The following SATB2 variants were observed in gnomAD, a reference collection of about 807,000 sequenced individuals.
SATB2 encodes DNA-binding protein SATB2.
A neutral mutation model predicts 73.4 loss-of-function variants in SATB2; 1 was observed. That is an observed-to-expected ratio of 0.01 (90% CI 0.00 to 0.06). The LOEUF (loss-of-function observed/expected upper bound fraction) is 0.06. SATB2 is among the 10% of genes least tolerant of loss of function. SATB2 has a pLI of 1.00. For missense variants in SATB2, 459 were observed against 945.8 expected (o/e 0.49, Z 6.75); for synonymous variants, 397 against 367.0 (o/e 1.08, Z -0.93).
At chr2:199,430,330 A>G (rs1691464841) in intron 3 of SATB2, among the ~76,000 whole-genome samples, 1 of 152,244 alleles carries the variant, frequency 6.6e-6, no homozygotes, top group East Asian at 1.9e-4. Flanking sequence ...CTCACGGCCC[A>G]TCATACATAT....
chr2:199,368,796 CTT>C (rs1487384275), intron 5 of SATB2, 89 bp from the exon 6 acceptor site: 1 of 709,554 alleles, frequency 1.4e-6, no homozygotes, highest in East Asian at 2.7e-5. Flanking sequence ...GCACTAACCT[CTT>C]TTTTCTTTTA....
At position 199,272,785 on chromosome 2, in the gene SATB2, C is replaced by G. The variant is rs972788394; in HGVS notation, c.1741-113G>C. Reference sequence around the variant, plus strand: ...TCTAGCACTGGAGGTAAGCTATAGTCATTTGTAAAGTCAGGTCTTTGGAAA... The same window carrying G: ...TCTAGCACTGGAGGTAAGCTATAGTGATTTGTAAAGTCAGGTCTTTGGAAA... On this transcript the variant is annotated intron_variant, in intron 10 of 10. Coordinates refer to ENST00000417098, the MANE Select transcript of SATB2 (RefSeq NM_001172509.2). The surrounding 1 kb of genome is among the most constrained non-coding windows in gnomAD (Gnocchi z 6.7). 5 of 1,006,258 alleles carry G rather than the reference C, an allele frequency of 5.0e-6. No individual in the cohort carries two copies. In the Admixed American group the frequency reaches 5.8e-5, roughly 12 times the overall value. 62.3% of individuals were successfully genotyped at this position (1,006,258 alleles called of 1,614,324 possible). A position where few individuals can be genotyped will look rare whatever the true frequency, so the allele number is the denominator to read the frequency against.
intron 6 of SATB2, among the ~76,000 whole-genome samples, chr2:199,364,066 C>T (rs1242052202): frequency 2.6e-5 from 4 of 152,162 alleles, no homozygotes; most frequent in African/African-American, 9.7e-5. Context: ...ACCACCATGG[C>T]TAAGCAAGGG....
At chr2:199,421,079 A>G (rs1691152433) in intron 3 of SATB2, among the ~76,000 whole-genome samples, 1 of 152,318 alleles carries the variant, frequency 6.6e-6, no homozygotes, top group Non-Finnish European at 1.5e-5. Flanking sequence ...GATAGGCCTC[A>G]GTATGAGCCG....
At chr2:199,466,603 G>C (rs1359001150), upstream of SATB2, among the ~76,000 whole-genome samples, 1 of 152,154 alleles carries the variant, frequency 6.6e-6, no homozygotes, top group Non-Finnish European at 1.5e-5. Flanking sequence ...CCTCAGCAAT[G>C]GGCACCTGTC....
chr2:199,277,638 T>C (rs1024359594), intron 10 of SATB2, among the ~76,000 whole-genome samples: 3 of 152,210 alleles, frequency 2.0e-5, no homozygotes, highest in African/African-American at 7.2e-5. Context: ...TAGCTTCTGC[T>C]GTTGATTTTT....
rs115335522 is a variant in SATB2, at chr2:199,336,719, G to T, written c.1174-7809C>A. ...GATTTCACAAAAGGATTACTGGTTT[G>T]AAAGTCTGTTTACCCCTGTACCTCT... On this transcript the variant is annotated intron_variant, in intron 7 of 10. Coordinates refer to ENST00000417098, the MANE Select transcript of SATB2 (RefSeq NM_001172509.2). Among the ~76,000 whole-genome samples, 1,157 of 152,296 alleles carry T rather than the reference G, an allele frequency of 7.6e-3. 12 individuals carry two copies. Among genetic ancestry groups the T allele is most frequent in the African/African-American group, 0.026 (1,086 of 41,582 alleles).
chr2:199,308,049 C>T lies in SATB2; in HGVS notation c.1740+711G>A, dbSNP rs1431889715. Reference sequence around the variant, plus strand: ...GTGGGCCAAACTCTAGGGGGTCTAACGTTGGAAACCTCAACTAATATTTCT... The same window carrying T: ...GTGGGCCAAACTCTAGGGGGTCTAATGTTGGAAACCTCAACTAATATTTCT... On this transcript the variant is annotated intron_variant, in intron 10 of 10. Coordinates refer to ENST00000417098, the MANE Select transcript of SATB2 (RefSeq NM_001172509.2). The surrounding 1 kb of genome is among the most constrained non-coding windows in gnomAD (Gnocchi z 4.6). Among the ~76,000 whole-genome samples, 1 of 152,140 alleles carries T rather than the reference C, an allele frequency of 6.6e-6. No homozygotes were observed. The highest frequency in any genetic ancestry group is 2.1e-4 in the South Asian group (1 of 4,830).
chr2:199,273,613 T>C (rs1379233859), intron 10 of SATB2, among the ~76,000 whole-genome samples: 5 of 152,242 alleles, frequency 3.3e-5, no homozygotes, highest in Admixed American at 3.3e-4. Flanking sequence ...AAGACATAAC[T>C]GTTTCTTAAA....
At chr2:199,368,858 G>A (rs763383850) in intron 5 of SATB2, 151 bp from the exon 6 acceptor site, 30 of 572,404 alleles carry the variant, frequency 5.2e-5, no homozygotes, top group South Asian at 3.4e-4. Context: ...CATCAAACAC[G>A]ATTACCTGAA....
rs140116634 is a variant in SATB2, at chr2:199,433,351, C to G, written c.333G>C (p.Ala111=). The G allele has an allele frequency of 3.7e-4, 592 of 1,613,834 alleles. No individual in the cohort carries two copies. The highest frequency in any genetic ancestry group is 4.7e-4 in the Non-Finnish European group (559 of 1,179,940). The part of the protein sequence containing the change: ...LLALGYSHSS[A]AQAQGIIKLG... ...AGGCATTAATACCTTGGGCCTGGGCCGCAGAGCTGTGAGAATACCCCAGGG... is the reference window on the plus strand; with the variant it reads ...AGGCATTAATACCTTGGGCCTGGGCGGCAGAGCTGTGAGAATACCCCAGGG... The change falls in exon 3 of 11, where the codon GCG becomes GCC. Residue 111 remains alanine, a synonymous_variant. Coordinates refer to ENST00000417098, the MANE Select transcript of SATB2 (RefSeq NM_001172509.2).
At chr2:199,445,333 G>A (rs1447798851) in intron 2 of SATB2, among the ~76,000 whole-genome samples, 1 of 152,162 alleles carries the variant, frequency 6.6e-6, no homozygotes, top group African/African-American at 2.4e-5. Flanking sequence ...CATTTCCACA[G>A]GAGAATGTTC....
chr2:199,458,776 C>A (rs1412098348), upstream of SATB2: 1 of 397,934 alleles, frequency 2.5e-6, no homozygotes, highest in Admixed American at 2.8e-5. Flanking sequence ...CGCCCACCAC[C>A]CACCGCCTCC....
chr2:199,432,121 G>A (rs1251753675), intron 3 of SATB2, among the ~76,000 whole-genome samples: 2 of 152,158 alleles, frequency 1.3e-5, no homozygotes, highest in African/African-American at 2.4e-5. Context: ...CTATATCACT[G>A]CGCCCAGCCT....
At chr2:199,321,643 A>C (rs1272860143) in intron 9 of SATB2, among the ~76,000 whole-genome samples, 1 of 151,974 alleles carries the variant, frequency 6.6e-6, no homozygotes, top group Non-Finnish European at 1.5e-5. Flanking sequence ...GTACCAAATC[A>C]TGCAATTGAT....
At chr2:199,355,342 G>GTATATA (rs1249092587) in intron 6 of SATB2, among the ~76,000 whole-genome samples, 1 of 5,422 alleles carries the variant, frequency 1.8e-4, no homozygotes, top group African/African-American at 2.1e-4. Flanking sequence ...GTGTGTGTGT[G>GTATATA]TGTATCTATA....
chr2:199,346,078 G>A lies in SATB2; in HGVS notation c.1173+2623C>T, dbSNP rs185596200. On this transcript the variant is annotated intron_variant, in intron 7 of 10. Transcript: ENST00000417098. Reference sequence around the variant, plus strand: ...TAAAAAGGTAGAATATATATAATAAGAGATAACAAAACTTGCCACGAGGCC... The same window carrying A: ...TAAAAAGGTAGAATATATATAATAAAAGATAACAAAACTTGCCACGAGGCC... Among the ~76,000 whole-genome samples, 8 of 151,880 alleles carry A rather than the reference G, an allele frequency of 5.3e-5. No individual in the cohort carries two copies. The East Asian group carries it at 1.5e-3, about 29-fold the overall frequency.
intron 7 of SATB2, among the ~76,000 whole-genome samples, chr2:199,338,200 T>C (rs1019980755): frequency 6.6e-6 from 1 of 151,670 alleles, no homozygotes; most frequent in Non-Finnish European, 1.5e-5. Context: ...CCTGTCTCTA[T>C]TAAAAATACA....
chr2:199,321,367 AT>A (rs1251767834), intron 9 of SATB2, among the ~76,000 whole-genome samples: 1 of 144,526 alleles, frequency 6.9e-6, no homozygotes, highest in Non-Finnish European at 1.5e-5. Flanking sequence ...ATATATATGT[AT>A]GTCTATACAT....
Sources: gnomAD v4.1 joint callset for allele counts (sites outside exome capture counted in the v4.1 genomes callset) on GRCh38, gnomAD v4.1.1 for gene constraint, Gnocchi (gnomAD v3.1) non-coding constraint, MANE v1.5 for transcripts, NCBI Gene and HGNC (gene_info 2026-07-23, HGNC 2026-07-21) for gene names.